IFT43: variants seen among roughly 807,000 people sequenced by gnomAD.
IFT43 encodes the protein intraflagellar transport protein 43 homolog.
IFT43 carries 33 observed loss-of-function variants against 32.3 expected under a neutral mutation model. The observed-to-expected ratio is 1.02, with a 90% confidence interval of 0.77 to 1.37. IFT43 has a LOEUF of 1.37. Ranked by LOEUF, IFT43 falls within the 40% of genes most tolerant of loss-of-function variation. IFT43 has a pLI of 0.00. For missense variants in IFT43, 274 were observed against 265.9 expected (o/e 1.03, Z -0.21); for synonymous variants, 93 against 98.2 (o/e 0.95, Z 0.31).
At chr14:76,049,581 G>T (rs1035562639) in intron 3 of IFT43, among the ~76,000 whole-genome samples, 12 of 152,020 alleles carry the variant, frequency 7.9e-5, no homozygotes, top group African/African-American at 2.9e-4. Context: ...AATGCTAAGT[G>T]GTTGCAGAAA....
chr14:76,000,262 CTTTTTT>C (rs35001298), intron 2 of IFT43, among the ~76,000 whole-genome samples: 1 of 115,562 alleles, frequency 8.7e-6, no homozygotes, highest in Non-Finnish European at 1.8e-5. Flanking sequence ...TAACTGGCTT[CTTTTTT>C]TTTTTTTTTT....
chr14:76,053,540 C>T (rs540991768), intron 3 of IFT43, among the ~76,000 whole-genome samples: 9 of 152,250 alleles, frequency 5.9e-5, no homozygotes, highest in South Asian at 4.1e-4. Flanking sequence ...TTGGCAGCTT[C>T]GTGGCTGAGC....
At chr14:76,070,380 A>G (rs560229390) in intron 5 of IFT43, among the ~76,000 whole-genome samples, 7 of 152,294 alleles carry the variant, frequency 4.6e-5, no homozygotes, top group Admixed American at 3.9e-4. Flanking sequence ...CAGCTTTGTC[A>G]TAGAGAGAAA....
At chr14:76,025,815 C>G (rs1311775035) in intron 3 of IFT43, among the ~76,000 whole-genome samples, 4 of 152,154 alleles carry the variant, frequency 2.6e-5, no homozygotes, top group African/African-American at 4.8e-5. Context: ...GGATAAAAGA[C>G]TTAAATGTAA....
chr14:76,040,014 G>A (rs1292113828), intron 3 of IFT43, among the ~76,000 whole-genome samples: 4 of 152,116 alleles, frequency 2.6e-5, no homozygotes, highest in African/African-American at 7.2e-5. Context: ...GTGAGGTGGC[G>A]TGATCATGGG....
At chr14:76,011,669 T>C (rs1400458451) in intron 2 of IFT43, among the ~76,000 whole-genome samples, 1 of 152,198 alleles carries the variant, frequency 6.6e-6, no homozygotes, top group Non-Finnish European at 1.5e-5. Context: ...AAATAGACTT[T>C]GCGTTTTGAT....
intron 5 of IFT43, among the ~76,000 whole-genome samples, chr14:76,064,441 T>C (rs2037193811): frequency 2.0e-5 from 3 of 151,926 alleles, no homozygotes. Flanking sequence ...CTGAAGGAGG[T>C]AGAGTGTCTG....
intron 5 of IFT43, among the ~76,000 whole-genome samples, chr14:76,074,920 TG>T: frequency 6.6e-6 from 1 of 152,210 alleles, no homozygotes; most frequent in Non-Finnish European, 1.5e-5. Flanking sequence ...CTTAGGGGGC[TG>T]TGAGGAGCAG....
intron 3 of IFT43, among the ~76,000 whole-genome samples, chr14:76,031,467 A>G (rs2036509089): frequency 6.6e-6 from 1 of 152,234 alleles, no homozygotes; most frequent in Admixed American, 6.5e-5. Flanking sequence ...ATAGACCATA[A>G]CAATCATTTT....
intron 3 of IFT43, among the ~76,000 whole-genome samples, chr14:76,044,655 C>T (rs1436408292): frequency 6.6e-6 from 1 of 152,142 alleles, no homozygotes; most frequent in African/African-American, 2.4e-5. Flanking sequence ...ATCCAGGAGT[C>T]CCCCCATTCA....
At chr14:76,073,768 G>A (rs542212798) in intron 5 of IFT43, among the ~76,000 whole-genome samples, 125 of 152,286 alleles carry the variant, frequency 8.2e-4, no homozygotes, top group South Asian at 7.7e-3. Flanking sequence ...AGTGCCCAAG[G>A]CGAACTCCTT....
chr14:75,990,160 A>G (rs755620110), intron 2 of IFT43, among the ~76,000 whole-genome samples: 3 of 152,226 alleles, frequency 2.0e-5, no homozygotes, highest in Non-Finnish European at 4.4e-5. Flanking sequence ...TAAAGGGACA[A>G]CCACTACTTA....
intron 3 of IFT43, among the ~76,000 whole-genome samples, chr14:76,033,998 T>C (rs1364587352): frequency 6.6e-6 from 1 of 152,152 alleles, no homozygotes; most frequent in African/African-American, 2.4e-5. Flanking sequence ...GGCATTTTGG[T>C]TTAAGATCTG....
At chr14:76,070,145 G>A (rs943378693) in intron 5 of IFT43, among the ~76,000 whole-genome samples, 1 of 152,178 alleles carries the variant, frequency 6.6e-6, no homozygotes, top group Non-Finnish European at 1.5e-5. Flanking sequence ...ACTGAACACA[G>A]CCAGGCAATG....
chr14:76,003,461 A>G (rs1168308205), intron 2 of IFT43, among the ~76,000 whole-genome samples: 1 of 151,984 alleles, frequency 6.6e-6, no homozygotes, highest in Non-Finnish European at 1.5e-5. Context: ...CCCCGTCTCT[A>G]CTAAAAATAC....
At chr14:76,022,306 T>C (rs756246899) in intron 2 of IFT43, 21 bp from the exon 3 acceptor site, 13 of 1,604,094 alleles carry the variant, frequency 8.1e-6, no homozygotes, top group Middle Eastern at 1.6e-4. Context: ...ATGTGTTCTT[T>C]TGACTTCTCT....
chr14:75,986,446 C>CAAA (rs60299035), intron 1 of IFT43: 106 of 148,916 alleles, frequency 7.1e-4, no homozygotes, highest in Admixed American at 1.5e-3. Flanking sequence ...TGCCTGGGTT[C>CAAA]AAAAAAAAAA....
chr14:76,015,335 C>A (rs948627430), intron 2 of IFT43, among the ~76,000 whole-genome samples: 1 of 152,130 alleles, frequency 6.6e-6, no homozygotes, highest in Non-Finnish European at 1.5e-5. Flanking sequence ...GAGAGCTAAG[C>A]CTGCCTGTCC....
chr14:76,083,424 T>C, intron 8 of IFT43, 34 bp from the exon 9 acceptor site: 1 of 1,614,078 alleles, frequency 6.2e-7, no homozygotes. Context: ...AAAAGGCCTT[T>C]CTTTGTCTTA....
Sources: allele counts gnomAD v4.1 joint callset (sites outside exome capture counted in the v4.1 genomes callset), GRCh38; gene constraint gnomAD v4.1.1; transcripts MANE v1.5; gene names NCBI Gene and HGNC (gene_info 2026-07-23, HGNC 2026-07-21).